Variants in PRORP observed in about 807,000 individuals in gnomAD.
PRORP encodes the protein mitochondrial ribonuclease P catalytic subunit.
PRORP carries 51 observed loss-of-function variants against 59.4 expected under a neutral mutation model. That is an observed-to-expected ratio of 0.86 (90% CI 0.69 to 1.08). The LOEUF (loss-of-function observed/expected upper bound fraction) is 1.08, where lower values mean the gene tolerates loss of function less well. PRORP is among the 50% of genes least tolerant of loss of function. The pLI is 0.00. For missense variants in PRORP, 646 were observed against 690.3 expected, an observed-to-expected ratio of 0.94 and a Z score of 0.72; for synonymous variants, 231 against 245.6, an observed-to-expected ratio of 0.94 and a Z score of 0.55.
intron 5 of PRORP, among the ~76,000 whole-genome samples, chr14:35,199,238 G>C (rs1338020570): frequency 6.6e-6 from 1 of 151,726 alleles, no homozygotes; most frequent in Non-Finnish European, 1.5e-5. Flanking sequence ...GGGAGGCTGA[G>C]GCAGGAGAAT....
chr14:35,246,228 A>G (rs2050480368), intron 5 of PRORP, among the ~76,000 whole-genome samples: 1 of 152,178 alleles, frequency 6.6e-6, no homozygotes, highest in South Asian at 2.1e-4. Context: ...ATTTCATTCT[A>G]GAAACTGATA....
intron 5 of PRORP, chr14:35,262,899 G>A: frequency 6.4e-7 from 1 of 1,561,582 alleles, no homozygotes; most frequent in Non-Finnish European, 8.8e-7. Flanking sequence ...AATCCTTGAA[G>A]GTAATGACAT....
intron 4 of PRORP, among the ~76,000 whole-genome samples, chr14:35,173,527 T>C (rs1387294303): frequency 2.0e-5 from 3 of 152,170 alleles, no homozygotes; most frequent in Non-Finnish European, 4.4e-5. Context: ...GTGCAAATTT[T>C]GTGGTTTTAT....
intron 4 of PRORP, among the ~76,000 whole-genome samples, chr14:35,134,942 G>A (rs2047336171): frequency 6.6e-6 from 1 of 152,156 alleles, no homozygotes; most frequent in South Asian, 2.1e-4. Flanking sequence ...TGAGGCTTGT[G>A]GGAACTCCAG....
chr14:35,198,605 A>G (rs1377870891), intron 5 of PRORP, among the ~76,000 whole-genome samples: 2 of 152,234 alleles, frequency 1.3e-5, no homozygotes, highest in African/African-American at 4.8e-5. Flanking sequence ...TATAATTATA[A>G]TTTCATTTCA....
intron 5 of PRORP, among the ~76,000 whole-genome samples, chr14:35,197,693 C>A (rs1266230333): frequency 6.6e-6 from 1 of 152,084 alleles, no homozygotes. Context: ...ATTCACTCTG[C>A]CAACTCAAGT....
intron 5 of PRORP, among the ~76,000 whole-genome samples, chr14:35,241,377 CAA>C (rs532766908): frequency 2.9e-5 from 4 of 139,230 alleles, no homozygotes; most frequent in Non-Finnish European, 1.6e-5. Context: ...GACTCCGTCT[CAA>C]AAAAAAAAAA....
chr14:35,207,293 G>T (rs536464388), intron 5 of PRORP, among the ~76,000 whole-genome samples: 1 of 152,272 alleles, frequency 6.6e-6, no homozygotes, highest in Admixed American at 6.5e-5. Context: ...AAAATAAAAA[G>T]ACCTTACAAT....
intron 4 of PRORP, among the ~76,000 whole-genome samples, chr14:35,148,911 ATTTTTT>A (rs1186320988): frequency 9.7e-5 from 8 of 82,840 alleles, no homozygotes; most frequent in African/African-American, 3.0e-4. Flanking sequence ...GCACTTTTTA[ATTTTTT>A]TTTTTTTTTT....
In PRORP at chr14:35,158,474, C is replaced by T. The variant is rs2047975714; in HGVS notation, c.1168-22196C>T. On this transcript the variant is annotated intron_variant, in intron 4 of 7. Transcript: ENST00000534898. ...GGTAAATGGTCCTTCTTCTTTTTAA[C>T]AAGCTTGTTGTCTTCTTCACCTGTT... 6 of 275,274 alleles carry T rather than the reference C, an allele frequency of 2.2e-5. No individual in the cohort carries two copies. In the South Asian group the frequency reaches 3.2e-4, roughly 15 times the overall value. The allele number at this position is 275,274 out of a possible 1,614,324, so 17.1% of individuals were successfully genotyped here.
chr14:35,272,132 A>G (rs942657955), intron 7 of PRORP, among the ~76,000 whole-genome samples: 2 of 152,248 alleles, frequency 1.3e-5, no homozygotes, highest in African/African-American at 4.8e-5. Context: ...GTAGTTAATA[A>G]TAACAATGTG....
intron 5 of PRORP, among the ~76,000 whole-genome samples, chr14:35,217,875 G>A (rs1416822840): frequency 6.6e-6 from 1 of 152,146 alleles, no homozygotes; most frequent in Non-Finnish European, 1.5e-5. Context: ...GTCAGAAAGT[G>A]TGGGCCCTCC....
intron 5 of PRORP, among the ~76,000 whole-genome samples, chr14:35,242,133 T>C (rs1375563230): frequency 6.6e-6 from 1 of 152,224 alleles, no homozygotes; most frequent in Non-Finnish European, 1.5e-5. Context: ...TATGTCTGTC[T>C]TCCTACTATG....
rs1360215743 is a variant in PRORP, at chr14:35,166,607, GC to G, written c.1168-14060del. 3.9e-5 allele frequency among the ~76,000 whole-genome samples: 6 copies of G among 152,070 alleles called. No individual in the cohort carries two copies. In the South Asian group the frequency reaches 1.2e-3, roughly 32 times the overall value. On this transcript the variant is annotated intron_variant, in intron 4 of 7. Coordinates refer to ENST00000534898, the MANE Select transcript of PRORP (RefSeq NM_014672.4). ...TGGGACTACAGGCGCGTGCCACCAC[GC>G]CCAGCTAATTTTTTTGGTATTTTTA...
chr14:35,223,898 T>C (rs2049863255), intron 5 of PRORP, among the ~76,000 whole-genome samples: 1 of 152,224 alleles, frequency 6.6e-6, no homozygotes, highest in Admixed American at 6.5e-5. Context: ...TAATTTTAGG[T>C]ATCATACCAG....
At position 35,199,228 on chromosome 14, in the gene PRORP, G is replaced by A. The variant is rs150336103; in HGVS notation, c.1275+18451G>A. ...TGCGTGCCTGTAGTCCCAGCTACTC[G>A]GGAGGCTGAGGCAGGAGAATCGCTT... On this transcript the variant is annotated intron_variant, in intron 5 of 7. Coordinates refer to ENST00000534898, the MANE Select transcript of PRORP (RefSeq NM_014672.4). Among the ~76,000 whole-genome samples, 16 of 150,718 alleles carry A rather than the reference G, an allele frequency of 1.1e-4. No individual in the cohort carries two copies. The East Asian group carries it at 2.9e-3, about 28-fold the overall frequency.
At chr14:35,132,719 G>A (rs967224072) in intron 4 of PRORP, among the ~76,000 whole-genome samples, 9 of 151,222 alleles carry the variant, frequency 6.0e-5, no homozygotes, top group South Asian at 2.1e-4. Flanking sequence ...CCCGTGAAGC[G>A]GAGGTTGTAG....
chr14:35,231,262 T>C (rs1275009967), intron 5 of PRORP, among the ~76,000 whole-genome samples: 1 of 152,198 alleles, frequency 6.6e-6, no homozygotes, highest in Non-Finnish European at 1.5e-5. Context: ...CCTAATCATA[T>C]ACTAAATAGA....
intron 5 of PRORP, among the ~76,000 whole-genome samples, chr14:35,243,247 C>T (rs1030248294): frequency 2.6e-4 from 39 of 152,208 alleles, no homozygotes; most frequent in African/African-American, 9.1e-4. Flanking sequence ...GAATAAAGGA[C>T]AGGACCCGGT....
Sources: gnomAD v4.1 joint callset for allele counts (sites outside exome capture counted in the v4.1 genomes callset) on GRCh38, gnomAD v4.1.1 for gene constraint, MANE v1.5 for transcripts, NCBI Gene and HGNC (gene_info 2026-07-23, HGNC 2026-07-21) for gene names.